SKOR2: variants seen among roughly 807,000 people sequenced by gnomAD.
SKOR2 encodes SKI family transcriptional corepressor 2.
A neutral mutation model predicts 69.1 loss-of-function variants in SKOR2; 47 were observed. That is an observed-to-expected ratio of 0.68 (90% confidence interval 0.54 to 0.87). SKOR2 has a LOEUF of 0.87. Ranked by LOEUF, SKOR2 falls within the 40% of genes least tolerant of loss-of-function variation. SKOR2 has a pLI of 0.00. For synonymous variants in SKOR2, 717 were observed against 672.6 expected (o/e 1.07, Z -1.02); for missense variants, 1,404 against 1,472.2 (o/e 0.95, Z 0.76).
At chr18:47,235,801 A>C (rs887010207) in intron 4 of SKOR2, among the ~76,000 whole-genome samples, 9 of 146,312 alleles carry the variant, frequency 6.2e-5, no homozygotes, top group Admixed American at 2.1e-4. Flanking sequence ...AAAAAAAAAA[A>C]CAGCCAACAG....
At chr18:47,213,661 C>T (rs2064134921) in intron 7 of SKOR2, among the ~76,000 whole-genome samples, 1 of 151,920 alleles carries the variant, frequency 6.6e-6, no homozygotes, top group Non-Finnish European at 1.5e-5. Flanking sequence ...ACAACATAAA[C>T]ATGTCAGATA....
In SKOR2 at chr18:47,247,800, C is replaced by A; in HGVS notation, c.1384G>T (p.Ala462Ser). The A allele has an allele frequency of 7.2e-7, 1 of 1,397,828 alleles. No homozygotes were observed. The highest frequency in any genetic ancestry group is 9.2e-7 in the Non-Finnish European group (1 of 1,083,604). 86.6% of individuals were successfully genotyped at this position (1,397,828 alleles called of 1,614,324 possible). The change falls in exon 2 of 9, where the codon GCC becomes TCC. Residue 462 changes from alanine (A) to serine (S), a missense_variant. Coordinates refer to ENST00000425639, the MANE Select transcript of SKOR2 (RefSeq NM_001278063.4). The surrounding 1 kb of genome is among the most constrained non-coding windows in gnomAD (Gnocchi z 6.6). Reference sequence around the variant, plus strand: ...AACATGCAGAAGGGCGGATAGAAGGCGTCCTTGCGGCCCGCGGGCCAGAAG... The same window carrying A: ...AACATGCAGAAGGGCGGATAGAAGGAGTCCTTGCGGCCCGCGGGCCAGAAG... Reference protein sequence around the residue: ...GLFWPAGRKDAFYPPFCMFWP... With the variant: ...GLFWPAGRKDSFYPPFCMFWP...
chr18:47,236,289 C>A (rs1960269631), intron 4 of SKOR2, among the ~76,000 whole-genome samples: 1 of 152,330 alleles, frequency 6.6e-6, no homozygotes, highest in African/African-American at 2.4e-5. Context: ...CTGCACCTGG[C>A]CCATCCTGTG....
chr18:47,223,700 A>G (rs2064169028), intron 6 of SKOR2, among the ~76,000 whole-genome samples: 1 of 152,210 alleles, frequency 6.6e-6, no homozygotes, highest in Non-Finnish European at 1.5e-5. Context: ...TTATAAAAGC[A>G]TTTAACAAGC....
chr18:47,238,345 G>T, intron 4 of SKOR2, among the ~76,000 whole-genome samples: 1 of 138,754 alleles, frequency 7.2e-6, no homozygotes. Flanking sequence ...TTTTTTGAGA[G>T]GGAGTCTTGC....
Position 47,247,430 on chromosome 18 carries a change from G to T in SKOR2, c.1754C>A (p.Ala585Glu). The stretch of plus-strand genomic sequence containing the variant: ...GCCAGACCCGGCGGCCGCGGCCCCT[G>T]CCCCGGCAGCTGCCACAGAGTCCGC... ...PPADSVAAAG[A>E]GAAAAGSGPA... is the part of the protein sequence containing the mutation. The change falls in exon 2 of 9, where the codon GCA (alanine) becomes GAA (glutamate). Residue 585 changes from alanine to glutamate, a missense_variant. By Grantham distance (107) the Ala-to-Glu change is moderately radical. Transcript: ENST00000425639. This position sits in a 1 kb window ranked among gnomAD's most constrained non-coding sequence, Gnocchi z 6.6. The T allele has an allele frequency of 7.8e-7, 1 of 1,283,278 alleles. No individual in the cohort carries two copies. Among genetic ancestry groups the T allele is most frequent in the Admixed American group, 4.2e-5 (1 of 23,638 alleles). The allele number at this position is 1,283,278 out of a possible 1,614,324, so 79.5% of individuals were successfully genotyped here.
intron 6 of SKOR2, among the ~76,000 whole-genome samples, chr18:47,227,967 AT>A (rs1184388966): frequency 1.3e-5 from 2 of 152,202 alleles, no homozygotes; most frequent in Non-Finnish European, 1.5e-5. Context: ...AGTGAACTGG[AT>A]TTTAAGTGTG....
intron 1 of SKOR2, 114 bp from the exon 2 acceptor site, chr18:47,249,344 A>G (rs990418465): frequency 2.9e-6 from 3 of 1,023,660 alleles, no homozygotes; most frequent in African/African-American, 1.6e-5. Context: ...TTAAGACACG[A>G]TTATTACTGG....
chr18:47,220,538 A>G (rs1454007857), intron 6 of SKOR2, among the ~76,000 whole-genome samples: 1 of 151,010 alleles, frequency 6.6e-6, no homozygotes, highest in Non-Finnish European at 1.5e-5. Context: ...TGTGCAGCAA[A>G]CTCTCTCACC....
chr18:47,233,795 T>C (rs2064209203), intron 4 of SKOR2, among the ~76,000 whole-genome samples: 1 of 152,226 alleles, frequency 6.6e-6, no homozygotes, highest in Non-Finnish European at 1.5e-5. Context: ...AAATATGATA[T>C]GTAAAATGCA....
At chr18:47,215,644 T>C (rs1399388784) in intron 7 of SKOR2, among the ~76,000 whole-genome samples, 1 of 152,146 alleles carries the variant, frequency 6.6e-6, no homozygotes, top group Non-Finnish European at 1.5e-5. Flanking sequence ...AATCTATTGA[T>C]TGAACATTAT....
intron 4 of SKOR2, among the ~76,000 whole-genome samples, chr18:47,231,738 G>A (rs1236404889): frequency 6.6e-6 from 1 of 151,720 alleles, no homozygotes; most frequent in Non-Finnish European, 1.5e-5. Context: ...AGCTACTCGA[G>A]AGGCTGAGGC....
rs2064197016 is a variant in SKOR2, at chr18:47,231,227, T to A, written c.2753-227A>T. ...AGCCTGCCTGGCCTGTGATGGCAGC[T>A]CCCGAAAAGCAGATTCTTGAAGTTA... On this transcript the variant is annotated intron_variant, in intron 4 of 8. Coordinates refer to ENST00000425639, the MANE Select transcript of SKOR2 (RefSeq NM_001278063.4). 3 of 1,486,030 alleles carry A rather than the reference T, an allele frequency of 2.0e-6. No individual in the cohort carries two copies. The Admixed American group carries it at 6.1e-5, about 30-fold the overall frequency. 92.1% of individuals were successfully genotyped at this position (1,486,030 alleles called of 1,614,324 possible).
intron 4 of SKOR2, among the ~76,000 whole-genome samples, chr18:47,237,426 A>G (rs1451393416): frequency 6.6e-6 from 1 of 152,260 alleles, no homozygotes; most frequent in African/African-American, 2.4e-5. Flanking sequence ...TTTAACTATA[A>G]GAGCCAAACG....
intron 8 of SKOR2, among the ~76,000 whole-genome samples, chr18:47,209,967 C>T (rs1350075976): frequency 6.6e-6 from 1 of 151,934 alleles, no homozygotes; most frequent in African/African-American, 2.4e-5. Flanking sequence ...GGCGTGCACG[C>T]CTATAATGCT....
At position 47,224,189 on chromosome 18, in the gene SKOR2, G is replaced by A. The variant is rs182319002; in HGVS notation, c.2918-4179C>T. ...TCCCAAAGTACTGGGACTACAGGAT[G>A]AGCCACCACGCCCGACCATATTTTT... On this transcript the variant is annotated intron_variant, in intron 6 of 8. Transcript: ENST00000425639. 1.1e-3 allele frequency among the ~76,000 whole-genome samples: 174 copies of A among 152,194 alleles called. 2 individuals are homozygous for A. Among genetic ancestry groups the A allele is most frequent in the Non-Finnish European group, 1.5e-3 (101 of 68,008 alleles).
intron 4 of SKOR2, 140 bp downstream of exon 4, chr18:47,244,768 T>G (rs1679505157): frequency 3.1e-6 from 2 of 648,182 alleles, no homozygotes; most frequent in African/African-American, 3.7e-5. Flanking sequence ...GCTTCCCCAT[T>G]TGTGTTTTTC....
chr18:47,210,191 C>T lies in SKOR2; in HGVS notation c.*3+1895G>A, dbSNP rs967722932. On this transcript the variant is annotated intron_variant, in intron 8 of 8. Coordinates refer to ENST00000425639, the MANE Select transcript of SKOR2 (RefSeq NM_001278063.4). ...ACGTCATTTACATAAAGTTCAAAAA[C>T]AGACAAAGTTTTTACCATCGTTGGG... 5.3e-5 allele frequency among the ~76,000 whole-genome samples: 8 copies of T among 152,110 alleles called. No homozygotes were observed. The East Asian group carries it at 1.3e-3, about 26-fold the overall frequency.
intron 4 of SKOR2, among the ~76,000 whole-genome samples, chr18:47,236,603 A>T (rs765328745): frequency 6.6e-6 from 1 of 152,176 alleles, no homozygotes; most frequent in Non-Finnish European, 1.5e-5. Context: ...AACCCCAGGG[A>T]GCTCCCTTCC....
Sources: allele counts gnomAD v4.1 joint callset (sites outside exome capture counted in the v4.1 genomes callset), GRCh38; gene constraint gnomAD v4.1.1; non-coding constraint Gnocchi (gnomAD v3.1); transcripts MANE v1.5; gene names NCBI Gene and HGNC (gene_info 2026-07-23, HGNC 2026-07-21).